The following ATP8B4 variants were observed in gnomAD, a reference collection of about 807,000 sequenced individuals.
ATP8B4 encodes probable phospholipid-transporting ATPase IM.
In ATP8B4, 133 loss-of-function variants were observed where a neutral mutation model predicts 145.6. The observed-to-expected ratio is 0.91, with a 90% confidence interval of 0.79 to 1.05. ATP8B4 has a LOEUF of 1.05. Among genes scored for constraint, ATP8B4 ranks in the 50% least tolerant of loss-of-function variants. The pLI is 0.00. For missense variants in ATP8B4, 1,458 were observed against 1,425.2 expected (o/e 1.02, Z -0.37); for synonymous variants, 507 against 492.9 (o/e 1.03, Z -0.38).
chr15:49,996,385 T>C (rs1186746873), intron 9 of ATP8B4, among the ~76,000 whole-genome samples: 3 of 152,068 alleles, frequency 2.0e-5, no homozygotes, highest in Non-Finnish European at 4.4e-5. Flanking sequence ...CAAGTCTGTA[T>C]ATGGCTTCAG....
chr15:49,962,590 T>C (rs1383579016), intron 13 of ATP8B4, among the ~76,000 whole-genome samples: 1 of 152,222 alleles, frequency 6.6e-6, no homozygotes, highest in Non-Finnish European at 1.5e-5. Flanking sequence ...ATTATAGATC[T>C]AATAGAAAAT....
chr15:49,885,159 C>T (rs2036029804), intron 23 of ATP8B4, among the ~76,000 whole-genome samples: 1 of 152,226 alleles, frequency 6.6e-6, no homozygotes, highest in Non-Finnish European at 1.5e-5. Context: ...AACATTCTCA[C>T]CCTCCCTCAC....
intron 1 of ATP8B4, among the ~76,000 whole-genome samples, chr15:50,153,942 TA>T (rs1049424151): frequency 7.9e-5 from 12 of 152,356 alleles, no homozygotes; most frequent in African/African-American, 2.9e-4. Context: ...ATCGATACTT[TA>T]AAAAACCTTG....
intron 2 of ATP8B4, among the ~76,000 whole-genome samples, chr15:50,074,410 T>C (rs2054047584): frequency 6.6e-6 from 1 of 152,156 alleles, no homozygotes; most frequent in African/African-American, 2.4e-5. Context: ...ATGCCAACCA[T>C]AAAGCAAAAC....
At position 49,998,185 on chromosome 15, in the gene ATP8B4, A is replaced by G. The variant is rs74825048; in HGVS notation, c.507-1426T>C. Among the ~76,000 whole-genome samples the G allele has an allele frequency of 4.8e-3, 730 of 152,304 alleles. 5 individuals are homozygous for G. The highest frequency in any genetic ancestry group is 0.018 in the East Asian group (92 of 5,188). The stretch of plus-strand genomic sequence containing the variant: ...TCTATCTTCAAATGTGAAAAAACAA[A>G]AGAGGAAGAATAATCACACACAGGC... On this transcript the variant is annotated intron_variant, in intron 8 of 27. Transcript: ENST00000284509.
chr15:49,951,841 T>TA (rs1241015506), intron 14 of ATP8B4, among the ~76,000 whole-genome samples: 1 of 152,216 alleles, frequency 6.6e-6, no homozygotes, highest in Non-Finnish European at 1.5e-5. Flanking sequence ...GGGTTTTTCC[T>TA]TTCCATATTC....
At chr15:49,918,990 C>A (rs1296259988) in intron 18 of ATP8B4, 40 bp from the exon 19 acceptor site, 1 of 1,372,606 alleles carries the variant, frequency 7.3e-7, no homozygotes. Flanking sequence ...TTAATGCATG[C>A]AAACAATATC....
chr15:50,091,386 T>C (rs1161449652), intron 2 of ATP8B4, among the ~76,000 whole-genome samples: 1 of 152,182 alleles, frequency 6.6e-6, no homozygotes, highest in Non-Finnish European at 1.5e-5. Context: ...TACAATAAAG[T>C]ATAATTCTAT....
chr15:49,931,067 A>G (rs533452122), intron 16 of ATP8B4, 52 bp downstream of exon 16: 2 of 1,509,702 alleles, frequency 1.3e-6, no homozygotes, highest in African/African-American at 2.8e-5. Flanking sequence ...CTTGAAAAGC[A>G]TAACCACAAC....
rs1320764706 is a variant in ATP8B4, at chr15:50,172,509, G to A, written c.-43+9752C>T. On this transcript the variant is annotated intron_variant, in intron 1 of 3. Transcript: ENST00000558829. ...GGCTCGCTACAACCTCCACCTCCCA[G>A]CCGCCTGCCTTGGCCTCCCAAGGTG... Among the ~76,000 whole-genome samples the A allele has an allele frequency of 2.0e-5, 3 of 152,326 alleles. No individual in the cohort carries two copies. In the East Asian group the frequency reaches 5.8e-4, roughly 29 times the overall value.
intron 8 of ATP8B4, among the ~76,000 whole-genome samples, chr15:49,997,980 G>A (rs1430172880): frequency 6.6e-6 from 1 of 152,032 alleles, no homozygotes; most frequent in African/African-American, 2.4e-5. Context: ...TGAGAAAAGT[G>A]GTATAGAGGC....
At chr15:49,949,891 G>A (rs2042914106) in intron 14 of ATP8B4, among the ~76,000 whole-genome samples, 1 of 152,046 alleles carries the variant, frequency 6.6e-6, no homozygotes, top group South Asian at 2.1e-4. Flanking sequence ...GTTTATCAAA[G>A]GCCTTTTCTG....
At chr15:50,024,297 C>A (rs2049841863) in intron 6 of ATP8B4, among the ~76,000 whole-genome samples, 1 of 152,010 alleles carries the variant, frequency 6.6e-6, no homozygotes, top group Non-Finnish European at 1.5e-5. Context: ...AAGAAAAAAA[C>A]CTCAGCTCTT....
intron 1 of ATP8B4, among the ~76,000 whole-genome samples, chr15:50,147,436 A>T (rs896797869): frequency 7.9e-5 from 12 of 151,718 alleles, no homozygotes; most frequent in African/African-American, 1.5e-4. Context: ...AAAAAAAAAA[A>T]AAAAAGTATA....
intron 14 of ATP8B4, among the ~76,000 whole-genome samples, chr15:49,955,371 CAG>C (rs1195058023): frequency 6.6e-6 from 1 of 152,118 alleles, no homozygotes; most frequent in African/African-American, 2.4e-5. Context: ...ACAAACAAGA[CAG>C]AAAATCCCAA....
intron 3 of ATP8B4, among the ~76,000 whole-genome samples, chr15:50,050,126 T>A (rs940888128): frequency 6.6e-6 from 1 of 152,220 alleles, no homozygotes; most frequent in Non-Finnish European, 1.5e-5. Flanking sequence ...AACCATTCTC[T>A]ATGATTTATT....
chr15:50,003,367 C>A (rs2048058642), intron 7 of ATP8B4, among the ~76,000 whole-genome samples: 1 of 150,546 alleles, frequency 6.6e-6, no homozygotes, highest in Non-Finnish European at 1.5e-5. Flanking sequence ...TGTGACGGCC[C>A]CTAAAAGAAT....
intron 14 of ATP8B4, among the ~76,000 whole-genome samples, chr15:49,946,294 G>A (rs957914316): frequency 2.6e-5 from 4 of 152,288 alleles, no homozygotes; most frequent in South Asian, 2.1e-4. Flanking sequence ...TAACATTAAC[G>A]AAGGAGATGA....
chr15:49,927,368 GAGCCTTTGCATCAGGGTGTTGTTCCTAC>G (rs1164824493), intron 16 of ATP8B4, among the ~76,000 whole-genome samples: 1 of 152,044 alleles, frequency 6.6e-6, no homozygotes. Context: ...AGCAATGCCT[GAGCCTTTGCATCAGGGTGTTGTTCCTAC>G]AGACCAACCC....
Sources: allele counts gnomAD v4.1 joint callset (sites outside exome capture counted in the v4.1 genomes callset), GRCh38; gene constraint gnomAD v4.1.1; transcripts MANE v1.5; gene names NCBI Gene and HGNC (gene_info 2026-07-23, HGNC 2026-07-21).